The following PDGFD variants were observed in gnomAD, a reference collection of about 807,000 sequenced individuals.
The protein encoded by PDGFD is platelet derived growth factor D, also known as platelet-derived growth factor D.
PDGFD carries 30 observed loss-of-function variants against 44.7 expected under a neutral mutation model. The ratio of observed to expected loss-of-function variants is 0.67; its 90% CI spans 0.50 to 0.91. The LOEUF (loss-of-function observed/expected upper bound fraction) is 0.91, where lower values mean the gene tolerates loss of function less well. PDGFD is among the 40% of genes least tolerant of loss of function. PDGFD has a pLI of 0.00. For synonymous variants in PDGFD, 173 were observed against 168.4 expected (o/e 1.03, Z -0.21); for missense variants, 445 against 457.8 (o/e 0.97, Z 0.25).
At chr11:104,084,720 ATATATAAT>A (rs1861096637) in intron 1 of PDGFD, among the ~76,000 whole-genome samples, 1 of 138,636 alleles carries the variant, frequency 7.2e-6, no homozygotes, top group Non-Finnish European at 1.5e-5. Flanking sequence ...TAAAGTATAC[ATATATAAT>A]ACAGATATAT....
intron 2 of PDGFD, among the ~76,000 whole-genome samples, chr11:103,998,464 C>T (rs1859570658): frequency 6.6e-6 from 1 of 152,188 alleles, no homozygotes; most frequent in African/African-American, 2.4e-5. Context: ...CTCTTCTAGG[C>T]TGGTGAATAC....
chr11:104,003,064 A>T (rs572733123), intron 1 of PDGFD, among the ~76,000 whole-genome samples: 4 of 152,346 alleles, frequency 2.6e-5, no homozygotes, highest in Admixed American at 2.0e-4. Context: ...GATAGAATTT[A>T]AAAATGTTTA....
intron 1 of PDGFD, among the ~76,000 whole-genome samples, chr11:104,119,577 T>G: frequency 1.1e-5 from 1 of 95,022 alleles, no homozygotes; most frequent in Non-Finnish European, 1.8e-5. Flanking sequence ...TATATTAATA[T>G]AATATATTGA....
intron 3 of PDGFD, among the ~76,000 whole-genome samples, chr11:103,966,375 T>C (rs1302538380): frequency 2.6e-5 from 4 of 152,172 alleles, no homozygotes; most frequent in East Asian, 1.9e-4. Flanking sequence ...ATTCAGCCAA[T>C]GCATATATTA....
chr11:103,931,186 A>T (rs190966740), intron 5 of PDGFD, among the ~76,000 whole-genome samples: 1 of 152,342 alleles, frequency 6.6e-6, no homozygotes, highest in East Asian at 1.9e-4. Flanking sequence ...ATTAAAGTGA[A>T]ACATATTTAT....
chr11:104,127,187 G>A (rs1861853962), intron 1 of PDGFD, among the ~76,000 whole-genome samples: 1 of 152,128 alleles, frequency 6.6e-6, no homozygotes, highest in African/African-American at 2.4e-5. Context: ...AGGCTGAAGT[G>A]GGAGCTGGAG....
chr11:104,069,368 G>A (rs1354629433), intron 1 of PDGFD, among the ~76,000 whole-genome samples: 5 of 152,074 alleles, frequency 3.3e-5, no homozygotes, highest in Non-Finnish European at 5.9e-5. Flanking sequence ...CTCACAAATG[G>A]CAAGGTTATT....
intron 1 of PDGFD, among the ~76,000 whole-genome samples, chr11:104,074,600 G>T (rs1005012083): frequency 6.6e-6 from 1 of 152,174 alleles, no homozygotes; most frequent in African/African-American, 2.4e-5. Context: ...CACAACCAAT[G>T]AAAGCAGAGT....
intron 1 of PDGFD, among the ~76,000 whole-genome samples, chr11:104,032,182 A>G (rs1427379188): frequency 6.6e-6 from 1 of 151,950 alleles, no homozygotes; most frequent in Non-Finnish European, 1.5e-5. Flanking sequence ...ACAGATATAT[A>G]CAACAACAAC....
intron 3 of PDGFD, among the ~76,000 whole-genome samples, chr11:103,980,684 C>A (rs1859257880): frequency 6.6e-6 from 1 of 152,000 alleles, no homozygotes; most frequent in East Asian, 1.9e-4. Context: ...AAATTGATAC[C>A]TTGAAATTTA....
intron 1 of PDGFD, among the ~76,000 whole-genome samples, chr11:104,146,806 C>T (rs1862169203): frequency 6.6e-6 from 1 of 152,010 alleles, no homozygotes; most frequent in East Asian, 1.9e-4. Flanking sequence ...CTCTATATAT[C>T]AGGTACTATT....
chr11:104,054,272 T>C (rs866511285), intron 1 of PDGFD, among the ~76,000 whole-genome samples: 1 of 152,228 alleles, frequency 6.6e-6, no homozygotes, highest in East Asian at 1.9e-4. Context: ...ATATCCTTCA[T>C]AGTTTGGCTA....
At chr11:104,157,260 C>T (rs753130211) in intron 1 of PDGFD, among the ~76,000 whole-genome samples, 6 of 152,138 alleles carry the variant, frequency 3.9e-5, no homozygotes, top group Admixed American at 6.5e-5. Flanking sequence ...ATGTCCCCCA[C>T]TATCATATTA....
At chr11:104,119,669 CGA>C in intron 1 of PDGFD, among the ~76,000 whole-genome samples, 2 of 71,988 alleles carry the variant, frequency 2.8e-5, no homozygotes, top group South Asian at 5.3e-4. Context: ...AATTATATAT[CGA>C]TATATATATC....
chr11:103,930,815 C>T (rs771125551), intron 5 of PDGFD, among the ~76,000 whole-genome samples: 15 of 152,222 alleles, frequency 9.9e-5, no homozygotes, highest in African/African-American at 2.7e-4. Flanking sequence ...TACCCAAGCA[C>T]GAGCAGCTGT....
chr11:104,124,289 C>T (rs986452925), intron 1 of PDGFD, among the ~76,000 whole-genome samples: 2 of 152,022 alleles, frequency 1.3e-5, no homozygotes, highest in African/African-American at 2.4e-5. Context: ...CAGAGCAATT[C>T]GTGGGCATTT....
intron 5 of PDGFD, among the ~76,000 whole-genome samples, chr11:103,932,116 T>C (rs960265746): frequency 7.9e-5 from 12 of 152,302 alleles, no homozygotes; most frequent in South Asian, 4.1e-4. Flanking sequence ...CCCTCTATTA[T>C]AGCATTTACT....
intron 5 of PDGFD, among the ~76,000 whole-genome samples, chr11:103,931,493 C>G (rs150573919): frequency 1.3e-5 from 2 of 152,342 alleles, no homozygotes; most frequent in East Asian, 3.9e-4. Context: ...ATAGTAGAAT[C>G]ACATGCTTTT....
rs373475935 is a variant in PDGFD, at chr11:103,984,202, A to G, written c.510+11863T>C. Among the ~76,000 whole-genome samples the G allele has an allele frequency of 5.9e-5, 9 of 151,872 alleles. 2 individuals carry two copies. Among genetic ancestry groups the G allele is most frequent in the African/African-American group, 2.2e-4 (9 of 41,184 alleles). ...AGATTGGATAAACAAAATGTGGTAT[A>G]TATACACTATGGAATACAATGCAGC... On this transcript the variant is annotated intron_variant, in intron 3 of 6. Coordinates refer to ENST00000393158, the MANE Select transcript of PDGFD (RefSeq NM_025208.5).
Sources: allele counts gnomAD v4.1 joint callset (sites outside exome capture counted in the v4.1 genomes callset), GRCh38; gene constraint gnomAD v4.1.1; transcripts MANE v1.5; gene names NCBI Gene and HGNC (gene_info 2026-07-23, HGNC 2026-07-21).